Variants in FUBP3 observed in about 807,000 individuals in gnomAD.
FUBP3 encodes the protein far upstream element binding protein 3.
FUBP3 carries 28 observed loss-of-function variants against 85.6 expected under a neutral mutation model. That is an observed-to-expected ratio of 0.33 (90% confidence interval 0.24 to 0.45). FUBP3 has a LOEUF of 0.45. FUBP3 is among the 20% of genes least tolerant of loss of function. FUBP3 has a pLI of 1.00. For missense variants in FUBP3, 583 were observed against 755.1 expected (o/e 0.77, Z 2.67); for synonymous variants, 271 against 271.4 (o/e 1.00, Z 0.01).
chr9:130,631,740 C>T (rs887023729), intron 14 of FUBP3, 110 bp downstream of exon 14: 17 of 934,714 alleles, frequency 1.8e-5, no homozygotes, highest in South Asian at 1.2e-4. Context: ...AAGTTCTGGG[C>T]GTGGGCAGGA....
intron 2 of FUBP3, among the ~76,000 whole-genome samples, chr9:130,606,749 G>A (rs2119058750): frequency 6.6e-6 from 1 of 152,214 alleles, no homozygotes; most frequent in South Asian, 2.1e-4. Context: ...GAACCCAGGA[G>A]GCAGAGGTTG....
chr9:130,583,934 A>G (rs73547962), intron 1 of FUBP3, among the ~76,000 whole-genome samples: 24,173 of 152,006 alleles, frequency 0.16, 2,192 homozygotes, highest in African/African-American at 0.23. Flanking sequence ...ACAGGGTCTC[A>G]CTATGTTGCC....
Position 130,635,906 on chromosome 9 carries a change from C to G in FUBP3, c.1583-93C>G. On this transcript the variant is annotated intron_variant, in intron 17 of 18. Transcript: ENST00000319725. The surrounding 1 kb of genome is among the most constrained non-coding windows in gnomAD (Gnocchi z 4.3). ...CAGACCTCCCTGCCTTCCAGCCGTC[C>G]GGAGGGAGAGCAGATGCCCAGGGCC... is the stretch of plus-strand genomic sequence containing the variant. 7.5e-7 allele frequency: 1 copy of G among 1,338,122 alleles called. No individual in the cohort carries two copies. The highest frequency in any genetic ancestry group is 1.0e-6 in the Non-Finnish European group (1 of 967,260). 82.9% of individuals were successfully genotyped at this position (1,338,122 alleles called of 1,614,324 possible). A position where few individuals can be genotyped will look rare whatever the true frequency, so the allele number is the denominator to read the frequency against.
intron 1 of FUBP3, among the ~76,000 whole-genome samples, chr9:130,587,963 G>A (rs190060760): frequency 6.6e-6 from 1 of 152,274 alleles, no homozygotes; most frequent in East Asian, 1.9e-4. Context: ...AACCTCCCAA[G>A]AAGAGCTGCA....
chr9:130,608,969 G>A (rs763124009), intron 2 of FUBP3, among the ~76,000 whole-genome samples: 10 of 152,194 alleles, frequency 6.6e-5, no homozygotes, highest in Admixed American at 1.3e-4. Flanking sequence ...TCAAGTGGGT[G>A]TAATCGATCC....
intron 16 of FUBP3, among the ~76,000 whole-genome samples, chr9:130,632,759 C>A (rs1002328070): frequency 3.9e-5 from 6 of 152,246 alleles, no homozygotes; most frequent in Admixed American, 2.0e-4. Flanking sequence ...ACTTCTTCTG[C>A]ATCCCGCCTC....
rs147576104 is a variant in FUBP3, at chr9:130,631,607, G to A, written c.1329G>A (p.Gln443=). The change falls in exon 14 of 19, where the codon CAG becomes CAA. Residue 443 remains glutamine (Q), a synonymous_variant. Transcript: ENST00000319725. ...CCTTCGGACAGAGTCCATTCAGCCA[G>A]CCACCTGCCCCACCTCATCAAAAGT... is the stretch of plus-strand genomic sequence containing the variant. ...PGAFGQSPFS[Q]PPAPPHQNTF... is the part of the protein sequence containing the mutation. The A allele has an allele frequency of 1.3e-4, 206 of 1,613,806 alleles. No individual in the cohort carries two copies. The African/African-American group carries it at 2.6e-3, about 20-fold the overall frequency.
At chr9:130,601,992 G>C (rs1339826886) in intron 2 of FUBP3, among the ~76,000 whole-genome samples, 1 of 151,538 alleles carries the variant, frequency 6.6e-6, no homozygotes, top group African/African-American at 2.4e-5. Flanking sequence ...AGTAGAGATG[G>C]GGTTTCACCA....
In FUBP3 at chr9:130,595,579, G is replaced by A. The variant is rs748106600; in HGVS notation, c.181G>A (p.Asp61Asn). ...YGYGVQKRPL[D>N]DGVGNQLGAL... Reference sequence around the variant, plus strand: ...ATACGGAGTACAAAAACGGCCCTTGGATGATGGAGGTAAGTTGCCAGAAAT... The same window carrying A: ...ATACGGAGTACAAAAACGGCCCTTGAATGATGGAGGTAAGTTGCCAGAAAT... Residue 61 changes from aspartate (D) to asparagine (N), a missense_variant, in exon 2 of 19, where the codon GAT becomes AAT. By Grantham distance (23) the Asp-to-Asn change is conservative. This residue lies in a region of FUBP3 where 177 missense variants were observed against 221.9 expected (regional missense o/e 0.80). Coordinates refer to ENST00000319725, the MANE Select transcript of FUBP3 (RefSeq NM_003934.2). The A allele has an allele frequency of 2.8e-6, 4 of 1,439,332 alleles. No homozygotes were observed. Among genetic ancestry groups the A allele is most frequent in the Non-Finnish European group, 2.9e-6 (3 of 1,020,366 alleles). 89.2% of individuals were successfully genotyped at this position (1,439,332 alleles called of 1,614,324 possible). A position where few individuals can be genotyped will look rare whatever the true frequency, so the allele number is the denominator to read the frequency against.
intron 1 of FUBP3, among the ~76,000 whole-genome samples, chr9:130,594,349 G>A (rs1335696986): frequency 6.6e-6 from 1 of 151,936 alleles, no homozygotes; most frequent in Non-Finnish European, 1.5e-5. Context: ...TTGGGAGGCC[G>A]AGGCAGGCAG....
At chr9:130,632,366 A>G in intron 16 of FUBP3, 88 bp downstream of exon 16, 1 of 1,008,990 alleles carries the variant, frequency 9.9e-7, no homozygotes, top group Non-Finnish European at 1.5e-6. Context: ...CGTTCAACTC[A>G]GCCAGCAGGC....
chr9:130,615,070 T>C (rs1831933919), intron 6 of FUBP3, among the ~76,000 whole-genome samples: 1 of 152,236 alleles, frequency 6.6e-6, no homozygotes, highest in Non-Finnish European at 1.5e-5. Context: ...AGGGTTGTTT[T>C]ATTGTTTCCA....
At chr9:130,607,605 C>T (rs1274233425) in intron 2 of FUBP3, among the ~76,000 whole-genome samples, 1 of 152,190 alleles carries the variant, frequency 6.6e-6, no homozygotes, top group Non-Finnish European at 1.5e-5. Context: ...GACCCCTCCT[C>T]ATTGCGAAGA....
At chr9:130,619,046 C>A (rs923427494) in intron 8 of FUBP3, among the ~76,000 whole-genome samples, 1 of 152,158 alleles carries the variant, frequency 6.6e-6, no homozygotes, top group Non-Finnish European at 1.5e-5. Flanking sequence ...TCGCCTTTCC[C>A]CACCCTGCTC....
At position 130,609,023 on chromosome 9, in the gene FUBP3, C is replaced by T. The variant is rs12115584; in HGVS notation, c.191-931C>T. 4.6e-5 allele frequency among the ~76,000 whole-genome samples: 7 copies of T among 152,252 alleles called. No homozygotes were observed. The East Asian group carries it at 1.4e-3, about 29-fold the overall frequency. ...TCCTTAGAATAACTTTCCCCAAAGA[C>T]GTATTTCTGAATGCCCTTTTTAGCA... is the stretch of plus-strand genomic sequence containing the variant. On this transcript the variant is annotated intron_variant, in intron 2 of 18. Transcript: ENST00000319725.
At chr9:130,613,778 G>A (rs1831868209) in intron 5 of FUBP3, among the ~76,000 whole-genome samples, 1 of 152,176 alleles carries the variant, frequency 6.6e-6, no homozygotes, top group Non-Finnish European at 1.5e-5. Context: ...ATCACATGTG[G>A]TGTTAGAAAG....
At chr9:130,636,215 A>G (rs1564232435) in intron 18 of FUBP3, 89 bp downstream of exon 18, 1 of 1,343,552 alleles carries the variant, frequency 7.4e-7, no homozygotes, top group East Asian at 2.3e-5. Context: ...CCAGGATGAG[A>G]GCGCTGGGCT....
chr9:130,636,169 G>A (rs377243480), intron 18 of FUBP3, 43 bp downstream of exon 18: 69 of 1,596,382 alleles, frequency 4.3e-5, no homozygotes, highest in African/African-American at 3.7e-4. Flanking sequence ...CCCTAGCCCC[G>A]AGCCCCTGCT....
At chr9:130,583,402 T>C (rs2118995840) in intron 1 of FUBP3, among the ~76,000 whole-genome samples, 1 of 152,324 alleles carries the variant, frequency 6.6e-6, no homozygotes, top group Non-Finnish European at 1.5e-5. Flanking sequence ...ACATCTACCA[T>C]TAAAAGAAAA....
Sources: gnomAD v4.1 joint callset for allele counts (sites outside exome capture counted in the v4.1 genomes callset) on GRCh38, gnomAD v4.1.1 for gene constraint, gnomAD v4.1.1 regional missense constraint, Gnocchi (gnomAD v3.1) non-coding constraint, MANE v1.5 for transcripts, NCBI Gene and HGNC (gene_info 2026-07-23, HGNC 2026-07-21) for gene names.